The following IGSF10 variants were observed in gnomAD, a reference collection of about 807,000 sequenced individuals.
IGSF10 encodes the protein calvaria mechanical force protein 608.
In IGSF10, 126 loss-of-function variants were observed where a neutral mutation model predicts 128.2. That is an observed-to-expected ratio of 0.98 (90% confidence interval 0.85 to 1.14). IGSF10 has a LOEUF of 1.14. IGSF10 is among the 50% of genes most tolerant of loss of function. The pLI is 0.00. For synonymous variants in IGSF10, 1,185 were observed against 1,146.2 expected (o/e 1.03, Z -0.68); for missense variants, 3,295 against 3,149.8 (o/e 1.05, Z -1.10).
At position 151,443,731 on chromosome 3, in the gene IGSF10, G is replaced by T. The variant is rs1354871359; in HGVS notation, c.5216C>A (p.Ser1739Tyr). Reference sequence around the variant, plus strand: ...GATCCTGGGAGGATAGGAAACCACAGACAAGGTGACATGAAGGTGGTCTGT... The same window carrying T: ...GATCCTGGGAGGATAGGAAACCACATACAAGGTGACATGAAGGTGGTCTGT... Reference protein sequence around the residue: ...FGTDHLHVTLSVVSYPPRILE... With the variant: ...FGTDHLHVTLYVVSYPPRILE... Residue 1739 changes from serine (S) to tyrosine (Y), a missense_variant, in exon 7 of 8, where the codon TCT becomes TAT. Physicochemically the swap from Ser to Tyr is moderately radical, Grantham distance 144 (BLOSUM62 -2). Coordinates refer to ENST00000282466, the MANE Select transcript of IGSF10 (RefSeq NM_178822.5). 3 of 1,614,046 alleles carry T rather than the reference G, an allele frequency of 1.9e-6. No homozygotes were observed. Among genetic ancestry groups the T allele is most frequent in the Non-Finnish European group, 2.5e-6 (3 of 1,180,048 alleles).
chr3:151,597,902 A>G, the IGSF10 span, among the ~76,000 whole-genome samples: 22 of 139,092 alleles, frequency 1.6e-4, no homozygotes, highest in African/African-American at 5.9e-4. Flanking sequence ...GGGTGACAGG[A>G]GCAAGACTCT....
the IGSF10 span, among the ~76,000 whole-genome samples, chr3:151,541,462 T>G: frequency 6.6e-6 from 1 of 152,138 alleles, no homozygotes; most frequent in African/African-American, 2.4e-5. Flanking sequence ...TAAATTCAGT[T>G]TTCTTATAGT....
At chr3:151,511,775 C>T in the IGSF10 span, among the ~76,000 whole-genome samples, 7 of 152,010 alleles carry the variant, frequency 4.6e-5, no homozygotes, top group Non-Finnish European at 8.8e-5. Context: ...GAAGATCTAC[C>T]AAGCAAATGG....
chr3:151,600,875 ATATGTTTAAAGGTCATTTCCTT>A, the IGSF10 span, among the ~76,000 whole-genome samples: 1 of 152,108 alleles, frequency 6.6e-6, no homozygotes, highest in African/African-American at 2.4e-5. Flanking sequence ...ACATTGTTTC[ATATGTTTAAAGGTCATTTCCTT>A]TTCTTTGAAT....
the IGSF10 span, among the ~76,000 whole-genome samples, chr3:151,528,157 C>G: frequency 6.6e-6 from 1 of 152,088 alleles, no homozygotes; most frequent in Non-Finnish European, 1.5e-5. Flanking sequence ...CATAAGAAAG[C>G]TCTTAATAAA....
intron 5 of IGSF10, among the ~76,000 whole-genome samples, chr3:151,451,073 A>G (rs949850556): frequency 2.0e-5 from 3 of 152,062 alleles, no homozygotes; most frequent in African/African-American, 7.2e-5. Context: ...GCTTGCACTG[A>G]GCCAGAGTTA....
intron 7 of IGSF10, among the ~76,000 whole-genome samples, chr3:151,439,451 A>G (rs748376975): frequency 1.3e-5 from 2 of 152,154 alleles, no homozygotes; most frequent in Non-Finnish European, 1.5e-5. Flanking sequence ...CATCTCTACT[A>G]AAAATACGAA....
the IGSF10 span, among the ~76,000 whole-genome samples, chr3:151,500,019 CTAT>C: frequency 3.9e-5 from 6 of 152,102 alleles, no homozygotes; most frequent in Admixed American, 6.6e-5. Flanking sequence ...TAGAATTACA[CTAT>C]TGTCATAAAA....
the IGSF10 span, among the ~76,000 whole-genome samples, chr3:151,493,942 G>T: frequency 6.6e-6 from 1 of 151,864 alleles, no homozygotes; most frequent in Non-Finnish European, 1.5e-5. Context: ...TAAATTTTAG[G>T]GGGTAATTTG....
the IGSF10 span, among the ~76,000 whole-genome samples, chr3:151,615,596 C>T: frequency 2.0e-5 from 3 of 151,824 alleles, no homozygotes; most frequent in Non-Finnish European, 4.4e-5. Flanking sequence ...CCTAACAGTG[C>T]GGAAGTAGGA....
the IGSF10 span, among the ~76,000 whole-genome samples, chr3:151,467,454 C>A: frequency 6.6e-6 from 1 of 152,106 alleles, no homozygotes; most frequent in Non-Finnish European, 1.5e-5. Flanking sequence ...GGCTTCCTGA[C>A]CTTTACCAAT....
rs1457225777 is a variant in IGSF10, at chr3:151,447,193, C to T, written c.2788G>A (p.Asp930Asn). The T allele has an allele frequency of 1.2e-6, 2 of 1,614,086 alleles. No individual in the cohort carries two copies. The highest frequency in any genetic ancestry group is 2.7e-5 in the African/African-American group (2 of 74,932). The change falls in exon 6 of 8, where the codon GAT (aspartate) becomes AAT (asparagine). Residue 930 changes from aspartate to asparagine, a missense_variant. Asp to Asn is a conservative substitution (Grantham distance 23). Coordinates refer to ENST00000282466, the MANE Select transcript of IGSF10 (RefSeq NM_178822.5). Reference sequence around the variant, plus strand: ...CTACTAAGCATTTTGACATTGACATCTTTGATCATAGTCCTTACTGTTATT... The same window carrying T: ...CTACTAAGCATTTTGACATTGACATTTTTGATCATAGTCCTTACTGTTATT... ...PPITVRTMIK[D>N]VNVKMLSSTT...
chr3:151,518,762 T>C, the IGSF10 span, among the ~76,000 whole-genome samples: 7 of 152,046 alleles, frequency 4.6e-5, no homozygotes, highest in East Asian at 1.4e-3. Flanking sequence ...TACTGAGAGA[T>C]CTGTATGTTC....
chr3:151,447,946 A>T lies in IGSF10; in HGVS notation c.2035T>A (p.Ser679Thr). ...PLEHDGETEGSGLDESNPIAH... is the reference protein window; with the variant it reads ...PLEHDGETEGTGLDESNPIAH... ...ATAGGATTGGACTCATCAAGTCCAGATCCCTCTGTTTCTCCATCATGCTCC... is the reference window on the plus strand; with the variant it reads ...ATAGGATTGGACTCATCAAGTCCAGTTCCCTCTGTTTCTCCATCATGCTCC... The change falls in exon 6 of 8, where the codon TCT becomes ACT. Residue 679 changes from serine to threonine, a missense_variant. Physicochemically the swap from Ser to Thr is moderately conservative, Grantham distance 58. Coordinates refer to ENST00000282466, the MANE Select transcript of IGSF10 (RefSeq NM_178822.5). 1 of 1,614,096 alleles carries T rather than the reference A, an allele frequency of 6.2e-7. No individual in the cohort carries two copies. Among genetic ancestry groups the T allele is most frequent in the Non-Finnish European group, 8.5e-7 (1 of 1,180,028 alleles).
the IGSF10 span, among the ~76,000 whole-genome samples, chr3:151,495,133 T>C: frequency 6.6e-6 from 1 of 152,172 alleles, no homozygotes; most frequent in Admixed American, 6.6e-5. Flanking sequence ...TGACACAATT[T>C]AATACTTACA....
chr3:151,552,903 G>A, the IGSF10 span, among the ~76,000 whole-genome samples: 1 of 152,058 alleles, frequency 6.6e-6, no homozygotes, highest in Non-Finnish European at 1.5e-5. Flanking sequence ...TATCTAAGAG[G>A]AAGTGGTTAT....
At chr3:151,479,127 G>T in the IGSF10 span, among the ~76,000 whole-genome samples, 3 of 152,132 alleles carry the variant, frequency 2.0e-5, no homozygotes, top group Admixed American at 6.6e-5. Context: ...AGAAATCCCA[G>T]TTGTAGGAGT....
At chr3:151,451,271 C>A (rs1273320771) in intron 5 of IGSF10, among the ~76,000 whole-genome samples, 1 of 151,464 alleles carries the variant, frequency 6.6e-6, no homozygotes, top group Non-Finnish European at 1.5e-5. Flanking sequence ...CAAGTACTTA[C>A]CAATCATCCT....
At chr3:151,513,602 T>G in the IGSF10 span, among the ~76,000 whole-genome samples, 1 of 152,168 alleles carries the variant, frequency 6.6e-6, no homozygotes, top group Admixed American at 6.6e-5. Context: ...TTCAACATAG[T>G]GTTGGAAGTT....
Sources: gnomAD v4.1 joint callset for allele counts (sites outside exome capture counted in the v4.1 genomes callset) on GRCh38, gnomAD v4.1.1 for gene constraint, MANE v1.5 for transcripts, NCBI Gene and HGNC (gene_info 2026-07-23, HGNC 2026-07-21) for gene names.